FRYL: variants seen among roughly 807,000 people sequenced by gnomAD.
FRYL encodes protein furry homolog-like.
Under a neutral mutation model 351.2 loss-of-function variants are expected in FRYL, and 150 were observed. That is an observed-to-expected ratio of 0.43 (90% confidence interval 0.37 to 0.49). FRYL has a LOEUF of 0.49. Among genes scored for constraint, FRYL ranks in the 20% least tolerant of loss-of-function variants. The probability of loss-of-function intolerance (pLI) is 0.00; values close to 1 mark genes in which losing one functional copy is unlikely to be tolerated. For synonymous variants in FRYL, 1,153 were observed against 1,257.1 expected (o/e 0.92, Z 1.75); for missense variants, 3,036 against 3,619.3 (o/e 0.84, Z 4.13).
intron 28 of FRYL, among the ~76,000 whole-genome samples, 170 bp from the exon 29 acceptor site, chr4:48,565,861 C>A (rs536388735): frequency 6.6e-6 from 1 of 152,310 alleles, no homozygotes; most frequent in Admixed American, 6.5e-5. Flanking sequence ...ATGCAAATCA[C>A]AGAAACAAAG....
chr4:48,567,885 A>G lies in FRYL; in HGVS notation c.2997-465T>C. 6.6e-6 allele frequency among the ~76,000 whole-genome samples: 1 copy of G among 152,260 alleles called. No individual in the cohort carries two copies. The highest frequency in any genetic ancestry group is 1.9e-4 in the East Asian group (1 of 5,202). On this transcript the variant is annotated intron_variant, in intron 27 of 63. Transcript: ENST00000358350. This position sits in a 1 kb window ranked among gnomAD's most constrained non-coding sequence, Gnocchi z 4.2. Reference sequence around the variant, plus strand: ...CATTCTGGGATAGGTATTATCAGGGATGCAAAAATCTAAGAGAATTCTTGT... The same window carrying G: ...CATTCTGGGATAGGTATTATCAGGGGTGCAAAAATCTAAGAGAATTCTTGT...
intron 3 of FRYL, chr4:48,680,964 A>G (rs1402787146): frequency 7.9e-7 from 1 of 1,267,318 alleles, no homozygotes; most frequent in Non-Finnish European, 1.0e-6. Flanking sequence ...CATAATTACT[A>G]TGACAGAAAT....
At chr4:48,636,757 TATTTA>T (rs945692205) in intron 3 of FRYL, 1 of 152,050 alleles carries the variant, frequency 6.6e-6, no homozygotes, top group African/African-American at 2.4e-5. Flanking sequence ...TTAAATAATT[TATTTA>T]AATTTTATTT....
At chr4:48,551,985 C>T (rs1732873777) in intron 36 of FRYL, among the ~76,000 whole-genome samples, 1 of 152,172 alleles carries the variant, frequency 6.6e-6, no homozygotes, top group Non-Finnish European at 1.5e-5. Context: ...TACTTTCTTG[C>T]CTCTTGCAGC....
chr4:48,595,520 A>C, intron 15 of FRYL, 70 bp downstream of exon 15: 2 of 825,892 alleles, frequency 2.4e-6, no homozygotes, highest in Non-Finnish European at 3.7e-6. Flanking sequence ...AAAATTTCAA[A>C]GCTCCAAGTG....
chr4:48,752,092 T>C (rs569945334), intron 1 of FRYL, among the ~76,000 whole-genome samples: 13 of 152,234 alleles, frequency 8.5e-5, no homozygotes, highest in South Asian at 4.1e-4. Flanking sequence ...ATTGGGCAAA[T>C]AGTGAATGTG....
Position 48,578,314 on chromosome 4 carries a change from T to C in FRYL, c.2528+659A>G, listed in dbSNP as rs563163907. ...CAGATGCTGGGTTTACATGGGCAAG[T>C]TATATGCTGAGAGGACTCATTCCAT... On this transcript the variant is annotated intron_variant, in intron 23 of 63. Transcript: ENST00000358350. Among the ~76,000 whole-genome samples, 3 of 152,266 alleles carry C rather than the reference T, an allele frequency of 2.0e-5. No individual in the cohort carries two copies. In the South Asian group the frequency reaches 6.2e-4, roughly 32 times the overall value.
At chr4:48,668,135 C>CT (rs1193363931) in intron 3 of FRYL, among the ~76,000 whole-genome samples, 1 of 152,128 alleles carries the variant, frequency 6.6e-6, no homozygotes, top group African/African-American at 2.4e-5. Flanking sequence ...CGCATATCAT[C>CT]TAGAACCACT....
At chr4:48,577,534 C>A (rs1268050070) in intron 23 of FRYL, among the ~76,000 whole-genome samples, 5 of 151,734 alleles carry the variant, frequency 3.3e-5, no homozygotes, top group African/African-American at 1.2e-4. Context: ...GGGAGACATA[C>A]AATAAAGAAA....
At chr4:48,542,193 G>A in intron 44 of FRYL, 72 bp from the exon 45 acceptor site, 2 of 1,020,260 alleles carry the variant, frequency 2.0e-6, no homozygotes, top group Non-Finnish European at 3.1e-6. Context: ...TTCCTAATGG[G>A]ATTTTAAAAT....
At chr4:48,657,278 C>T (rs1197458675) in intron 3 of FRYL, among the ~76,000 whole-genome samples, 2 of 152,028 alleles carry the variant, frequency 1.3e-5, no homozygotes, top group East Asian at 1.9e-4. Flanking sequence ...TCAAGCCATC[C>T]TCCCACCTCA....
In FRYL at chr4:48,719,045, C is replaced by T. The variant is rs1317448289; in HGVS notation, c.-383-8347G>A. ...GTCACTCTAACTGATCTTTGGCCTC[C>T]CCTCTCTCACTACTCCAATGCATCT... On this transcript the variant is annotated intron_variant, in intron 1 of 63. Transcript: ENST00000358350. Among the ~76,000 whole-genome samples, 2 of 151,516 alleles carry T rather than the reference C, an allele frequency of 1.3e-5. 1 individual carries two copies. Among genetic ancestry groups the T allele is most frequent in the Non-Finnish European group, 2.9e-5 (2 of 67,832 alleles).
At chr4:48,505,814 G>A in intron 59 of FRYL, 199 bp from the exon 60 acceptor site, 1 of 488,818 alleles carries the variant, frequency 2.0e-6, no homozygotes, top group East Asian at 3.2e-5. Flanking sequence ...GTAACAAGAG[G>A]CACACACTTG....
At chr4:48,584,615 A>G (rs1229598960) in intron 19 of FRYL, among the ~76,000 whole-genome samples, 2 of 152,216 alleles carry the variant, frequency 1.3e-5, no homozygotes, top group Non-Finnish European at 1.5e-5. Context: ...TTATTTCAAC[A>G]TTCCTTAAAT....
At chr4:48,604,956 A>G (rs1746468343) in intron 11 of FRYL, among the ~76,000 whole-genome samples, 1 of 152,230 alleles carries the variant, frequency 6.6e-6, no homozygotes, top group Non-Finnish European at 1.5e-5. Flanking sequence ...TGAAGTACAA[A>G]TGATCATTTG....
At chr4:48,705,859 CAG>C (rs1411231405) in intron 2 of FRYL, among the ~76,000 whole-genome samples, 7 of 151,682 alleles carry the variant, frequency 4.6e-5, no homozygotes, top group Admixed American at 2.0e-4. Flanking sequence ...TTTTTTGACA[CAG>C]AGTGTCACTC....
At chr4:48,711,567 C>A (rs968904726) in intron 1 of FRYL, among the ~76,000 whole-genome samples, 1 of 152,242 alleles carries the variant, frequency 6.6e-6, no homozygotes, top group Non-Finnish European at 1.5e-5. Context: ...CCGGGAAGCT[C>A]GAACTGGGTG....
At chr4:48,581,633 T>C in intron 20 of FRYL, 28 bp from the exon 21 acceptor site, 3 of 1,546,304 alleles carry the variant, frequency 1.9e-6, no homozygotes, top group Non-Finnish European at 2.6e-6. Flanking sequence ...AAAAACAAAA[T>C]ATAAAAATAT....
chr4:48,525,227 T>C (rs1725842769), intron 53 of FRYL, among the ~76,000 whole-genome samples: 1 of 149,928 alleles, frequency 6.7e-6, no homozygotes, highest in Non-Finnish European at 1.5e-5. Context: ...TAAAATGTAT[T>C]AACTGTGGAT....
Sources: gnomAD v4.1 joint callset for allele counts (sites outside exome capture counted in the v4.1 genomes callset) on GRCh38, gnomAD v4.1.1 for gene constraint, Gnocchi (gnomAD v3.1) non-coding constraint, MANE v1.5 for transcripts, NCBI Gene and HGNC (gene_info 2026-07-23, HGNC 2026-07-21) for gene names.